Variants in RBPJ observed in about 807,000 individuals in gnomAD.
RBPJ encodes recombination signal binding protein for immunoglobulin kappa J region.
A neutral mutation model predicts 67.8 loss-of-function variants in RBPJ; 9 were observed. That is an observed-to-expected ratio of 0.13 (90% CI 0.08 to 0.23). The LOEUF (loss-of-function observed/expected upper bound fraction) is 0.23, where lower values mean the gene tolerates loss of function less well. Among genes scored for constraint, RBPJ ranks in the 10% least tolerant of loss-of-function variants. The pLI is 1.00. For missense variants in RBPJ, 305 were observed against 595.6 expected, an observed-to-expected ratio of 0.51 and a Z score of 5.08; for synonymous variants, 198 against 203.3, an observed-to-expected ratio of 0.97 and a Z score of 0.22.
chr4:26,163,860 G>A (rs907288327), intron 1 of RBPJ, among the ~76,000 whole-genome samples: 1 of 152,222 alleles, frequency 6.6e-6, no homozygotes, highest in African/African-American at 2.4e-5. Context: ...AAGATAAGCT[G>A]TGCAGTCCTA....
chr4:26,219,290 G>A (rs1317331891), intron 1 of RBPJ, among the ~76,000 whole-genome samples: 2 of 152,168 alleles, frequency 1.3e-5, no homozygotes, highest in Non-Finnish European at 2.9e-5. Context: ...GGATGATGAT[G>A]TTTGTTGTTT....
At chr4:26,375,115 C>T (rs1038667082) in intron 1 of RBPJ, among the ~76,000 whole-genome samples, 1 of 151,724 alleles carries the variant, frequency 6.6e-6, no homozygotes, top group Admixed American at 6.6e-5. Flanking sequence ...CTAGCCTGGG[C>T]AATATGGTGA....
intron 7 of RBPJ, chr4:26,425,078 C>A: frequency 3.1e-6 from 1 of 324,904 alleles, no homozygotes; most frequent in Non-Finnish European, 5.5e-6. Context: ...TTTACTAATG[C>A]GGATAAACCG....
At chr4:26,289,664 C>G (rs1416164146) in intron 1 of RBPJ, among the ~76,000 whole-genome samples, 1 of 150,562 alleles carries the variant, frequency 6.6e-6, no homozygotes, top group African/African-American at 2.4e-5. Flanking sequence ...CAATCACACG[C>G]TTGCAAAAGA....
At chr4:26,233,078 C>G (rs1456033374) in intron 1 of RBPJ, among the ~76,000 whole-genome samples, 1 of 152,198 alleles carries the variant, frequency 6.6e-6, no homozygotes, top group African/African-American at 2.4e-5. Flanking sequence ...GTATGCACTG[C>G]AGAAACAGTA....
rs1251845569 is a variant in RBPJ, at chr4:26,406,208, G to A, written c.93G>A (p.Gly31=). ...TGCGAAATTATTTAAAAGAGCGAGG[G>A]GATCAAACAGTACTTATTCTTCATG... The part of the protein sequence containing the change: ...EAMRNYLKER[G]DQTVLILHAK... The change falls in exon 3 of 11, where the codon GGG becomes GGA. Residue 31 remains glycine (G), a synonymous_variant. Coordinates refer to ENST00000355476, the MANE Select transcript of RBPJ (RefSeq NM_015874.6). The A allele has an allele frequency of 6.2e-6, 10 of 1,612,206 alleles. No homozygotes were observed. Among genetic ancestry groups the A allele is most frequent in the Non-Finnish European group, 7.6e-6 (9 of 1,178,826 alleles).
the RBPJ span, among the ~76,000 whole-genome samples, chr4:26,127,108 G>A: frequency 2.6e-5 from 4 of 152,292 alleles, no homozygotes; most frequent in Admixed American, 2.6e-4. Flanking sequence ...CTTGGGTGGG[G>A]TGACTTTCTT....
upstream of RBPJ, among the ~76,000 whole-genome samples, chr4:26,317,108 A>G (rs1366984017): frequency 6.6e-6 from 1 of 151,668 alleles, no homozygotes; most frequent in Non-Finnish European, 1.5e-5. Context: ...TTAATATTAC[A>G]TTATAATGGA....
rs1359094217 is a variant in RBPJ at position 26,430,936 on chromosome 4, G to A, written c.1393G>A (p.Glu465Lys). Residue 465 changes from glutamate (E) to lysine (K), a missense_variant, in exon 11 of 11, where the codon GAG (glutamate) becomes AAG (lysine). Glu to Lys is a moderately conservative substitution (Grantham distance 56). Coordinates refer to ENST00000355476, the MANE Select transcript of RBPJ (RefSeq NM_015874.6). The surrounding 1 kb of genome is among the most constrained non-coding windows in gnomAD (Gnocchi z 4.1). Reference protein sequence around the residue: ...VPPNESNTNSEGSYTNASTNS... With the variant: ...VPPNESNTNSKGSYTNASTNS... ...CCCTAACGAATCAAACACAAACAGC[G>A]AGGGAAGTTACACAAACGCCAGCAC... is the stretch of plus-strand genomic sequence containing the variant. The A allele has an allele frequency of 1.2e-6, 2 of 1,613,958 alleles. No homozygotes were observed. Among genetic ancestry groups the A allele is most frequent in the Admixed American group, 1.7e-5 (1 of 60,000 alleles).
At chr4:26,300,611 T>C (rs1380059354) in intron 1 of RBPJ, among the ~76,000 whole-genome samples, 1 of 152,208 alleles carries the variant, frequency 6.6e-6, no homozygotes, top group Non-Finnish European at 1.5e-5. Context: ...CTAGCACTGA[T>C]CACTCCTGTT....
At position 26,244,204 on chromosome 4, in the gene RBPJ, T is replaced by C. The variant is rs568928998; in HGVS notation, c.-167+80590T>C. ...ATATGTATACATATATGTGTCTATA[T>C]ATGTATACACATATGTGTACACATA... On this transcript the variant is annotated intron_variant, in intron 1 of 4. Coordinates refer to the RBPJ transcript ENST00000512351. 3.3e-5 allele frequency among the ~76,000 whole-genome samples: 5 copies of C among 149,530 alleles called. No homozygotes were observed. The South Asian group carries it at 6.3e-4, about 19-fold the overall frequency.
At chr4:26,333,897 G>A (rs1724513336) in intron 1 of RBPJ, among the ~76,000 whole-genome samples, 1 of 152,024 alleles carries the variant, frequency 6.6e-6, no homozygotes, top group Admixed American at 6.5e-5. Context: ...CAACACCTGG[G>A]CTCAAGCGAT....
At chr4:26,210,740 T>TTTACTTCA (rs1718376543) in intron 1 of RBPJ, among the ~76,000 whole-genome samples, 1 of 103,384 alleles carries the variant, frequency 9.7e-6, no homozygotes, top group Non-Finnish European at 2.0e-5. Context: ...TCTTTACTTC[T>TTTACTTCA]TTCCTTCTTT....
chr4:26,109,481 T>C, the RBPJ span, among the ~76,000 whole-genome samples: 13 of 52,642 alleles, frequency 2.5e-4, no homozygotes, highest in African/African-American at 3.9e-4. Context: ...TATATATATA[T>C]ATATATATAT....
At chr4:26,237,924 G>A (rs1719506935) in intron 1 of RBPJ, among the ~76,000 whole-genome samples, 1 of 152,122 alleles carries the variant, frequency 6.6e-6, no homozygotes, top group Non-Finnish European at 1.5e-5. Flanking sequence ...TGTTGACCAA[G>A]CTGATTTTGC....
intron 1 of RBPJ, among the ~76,000 whole-genome samples, chr4:26,205,267 C>T (rs1438945289): frequency 6.6e-6 from 1 of 152,216 alleles, no homozygotes; most frequent in Non-Finnish European, 1.5e-5. Flanking sequence ...CCATCTTTCA[C>T]TGCCAGCTGC....
In RBPJ at chr4:26,424,708, G is replaced by A; in HGVS notation, c.712G>A (p.Val238Met). The change falls in exon 7 of 11, where the codon GTG (valine) becomes ATG (methionine). Residue 238 changes from valine to methionine, a missense_variant. By Grantham distance (21) the Val-to-Met change is conservative. This residue lies in a region of RBPJ where 66 missense variants were observed against 226.0 expected (regional missense o/e 0.29). Transcript: ENST00000355476. This position sits in a 1 kb window ranked among gnomAD's most constrained non-coding sequence, Gnocchi z 5.3. ...CCATTATGGACAAACAGTCAAACTT[G>A]TGTGCTCAGTTACTGGCATGGCACT... Reference protein sequence around the residue: ...YIHYGQTVKLVCSVTGMALPR... With the variant: ...YIHYGQTVKLMCSVTGMALPR... The A allele has an allele frequency of 6.2e-7, 1 of 1,613,270 alleles. No individual in the cohort carries two copies.
At chr4:26,109,339 C>T in the RBPJ span, among the ~76,000 whole-genome samples, 1 of 149,472 alleles carries the variant, frequency 6.7e-6, no homozygotes, top group Admixed American at 6.7e-5. Context: ...CTCCTGACCT[C>T]AAGTGATCCA....
intron 1 of RBPJ, among the ~76,000 whole-genome samples, chr4:26,277,019 G>A (rs914088570): frequency 6.6e-6 from 1 of 151,694 alleles, no homozygotes; most frequent in Admixed American, 6.6e-5. Context: ...AATCACGCTC[G>A]CCTATAATCC....
Sources: allele counts gnomAD v4.1 joint callset (sites outside exome capture counted in the v4.1 genomes callset), GRCh38; gene constraint gnomAD v4.1.1; regional missense constraint gnomAD v4.1.1; non-coding constraint Gnocchi (gnomAD v3.1); transcripts MANE v1.5; gene names NCBI Gene and HGNC (gene_info 2026-07-23, HGNC 2026-07-21).